Variants in N4BP1 observed in about 807,000 individuals in gnomAD.
N4BP1 encodes NEDD4 binding protein 1, also known as NEDD4-binding protein 1.
N4BP1 carries 21 observed loss-of-function variants against 70.9 expected under a neutral mutation model. The observed-to-expected ratio is 0.30, with a 90% CI of 0.21 to 0.43. N4BP1 has a LOEUF of 0.43. N4BP1 is among the 20% of genes least tolerant of loss of function. The pLI, the probability that N4BP1 is intolerant of heterozygous loss-of-function variation, is 1.00. For synonymous variants in N4BP1, 387 were observed against 394.6 expected, an observed-to-expected ratio of 0.98 and a Z score of 0.23; for missense variants, 936 against 1,069.4, an observed-to-expected ratio of 0.88 and a Z score of 1.74.
chr16:48,553,640 C>T lies in N4BP1; in HGVS notation c.1919G>A (p.Arg640His), dbSNP rs1278710284. The T allele has an allele frequency of 6.3e-7, 1 of 1,594,034 alleles. No homozygotes were observed. The change falls in exon 3 of 7, where the codon CGT (arginine) becomes CAT (histidine). Residue 640 changes from arginine to histidine, a missense_variant. Arg to His is a conservative substitution (Grantham distance 29). Coordinates refer to ENST00000262384, the MANE Select transcript of N4BP1 (RefSeq NM_153029.4). ...ATATTCAACTGCAATTGCAATTCCA[C>T]GACAAGAAAAGAACTTTTTCAGACC... ...THGLKKFFSC[R>H]GIAIAVEYFW...
At chr16:48,556,557 G>C (rs1963757697) in intron 2 of N4BP1, among the ~76,000 whole-genome samples, 1 of 152,216 alleles carries the variant, frequency 6.6e-6, no homozygotes, top group Admixed American at 6.5e-5. Flanking sequence ...AGTCTGGGAG[G>C]CCAGGTGTCC....
chr16:48,565,214 C>G (rs1433337975), intron 1 of N4BP1, among the ~76,000 whole-genome samples: 1 of 152,176 alleles, frequency 6.6e-6, no homozygotes, highest in African/African-American at 2.4e-5. Context: ...AGTGGTGAGA[C>G]TGGGTATGCT....
At chr16:48,543,767 G>A (rs1201402179) in intron 6 of N4BP1, among the ~76,000 whole-genome samples, 1 of 152,164 alleles carries the variant, frequency 6.6e-6, no homozygotes, top group Non-Finnish European at 1.5e-5. Context: ...TGTACAGGGA[G>A]GGCATCTGTA....
chr16:48,573,139 A>C (rs1184899395), intron 1 of N4BP1, among the ~76,000 whole-genome samples: 1 of 151,710 alleles, frequency 6.6e-6, no homozygotes, highest in African/African-American at 2.4e-5. Context: ...AAGAAAATTC[A>C]GGAAAAAATT....
intron 1 of N4BP1, among the ~76,000 whole-genome samples, chr16:48,589,245 T>C (rs111318113): frequency 1.1e-3 from 173 of 152,322 alleles, no homozygotes; most frequent in African/African-American, 3.1e-3. Flanking sequence ...AGTTCAACTA[T>C]GACTGGCATC....
chr16:48,560,687 C>T, intron 2 of N4BP1, 67 bp downstream of exon 2: 1 of 1,525,130 alleles, frequency 6.6e-7, no homozygotes, highest in Non-Finnish European at 8.8e-7. Flanking sequence ...TTCCCATATA[C>T]ATGTGATTCT....
At position 48,548,128 on chromosome 16, in the gene N4BP1, A is replaced by C; in HGVS notation, c.2118-14T>G. ...TGTAGTAGAAACCTATGGTAATATA[A>C]GAGAGTTTAAAATCAGCAACAGGCA... On this transcript the variant is annotated splice_polypyrimidine_tract_variant and intron_variant, in intron 4 of 6. Coordinates refer to ENST00000262384, the MANE Select transcript of N4BP1 (RefSeq NM_153029.4). 1 of 1,513,926 alleles carries C rather than the reference A, an allele frequency of 6.6e-7. No homozygotes were observed. The highest frequency in any genetic ancestry group is 9.1e-7 in the Non-Finnish European group (1 of 1,093,094). 93.8% of individuals were successfully genotyped at this position (1,513,926 alleles called of 1,614,324 possible).
intron 6 of N4BP1, among the ~76,000 whole-genome samples, chr16:48,545,462 C>G (rs2151084592): frequency 6.6e-6 from 1 of 150,888 alleles, no homozygotes; most frequent in East Asian, 2.0e-4. Context: ...CCTGTAATCC[C>G]AGCTACTTGG....
At chr16:48,600,564 G>C (rs963370193) in intron 1 of N4BP1, 1 of 574,154 alleles carries the variant, frequency 1.7e-6, no homozygotes, top group African/African-American at 1.9e-5. Context: ...CATCTTATCT[G>C]AGTTCCTCTT....
Position 48,561,687 on chromosome 16 carries a change from T to C in N4BP1, c.956A>G (p.Asn319Ser), listed in dbSNP as rs758464499. 1.9e-5 allele frequency: 30 copies of C among 1,612,962 alleles called. No individual in the cohort carries two copies. Among genetic ancestry groups the C allele is most frequent in the Non-Finnish European group, 2.5e-5 (30 of 1,179,896 alleles). ...AGAATCAGATAGGTCAGCTATTACA[T>C]TTCCAGCCAATGTCTTAGCATCGTG... is the stretch of plus-strand genomic sequence containing the variant. ...ILHDAKTLAG[N>S]VIADLSDSSA... Residue 319 changes from asparagine (N) to serine (S), a missense_variant, in exon 2 of 7, where the codon AAT becomes AGT. Asn to Ser is a conservative substitution (Grantham distance 46). This residue lies in a region of N4BP1 where 515 missense variants were observed against 491.7 expected (regional missense o/e 1.05). Coordinates refer to ENST00000262384, the MANE Select transcript of N4BP1 (RefSeq NM_153029.4).
At position 48,561,443 on chromosome 16, in the gene N4BP1, A is replaced by G. The variant is rs1314685116; in HGVS notation, c.1200T>C (p.Gly400=). The G allele has an allele frequency of 1.2e-6, 2 of 1,612,564 alleles. No individual in the cohort carries two copies. The highest frequency in any genetic ancestry group is 8.5e-7 in the Non-Finnish European group (1 of 1,179,564). Residue 400 remains glycine, a synonymous_variant, in exon 2 of 7, where the codon GGT becomes GGC. Transcript: ENST00000262384. ...TTTTGTTGGTCTCTGGATACACTGTACCAGCTGAAAATTCTCTGTCTTCTT... is the reference window on the plus strand; with the variant it reads ...TTTTGTTGGTCTCTGGATACACTGTGCCAGCTGAAAATTCTCTGTCTTCTT... ...RFQEDREFSA[G]TVYPETNKTK... is the part of the protein sequence containing the mutation.
chr16:48,565,598 G>A (rs1335419306), intron 1 of N4BP1, among the ~76,000 whole-genome samples: 5 of 152,044 alleles, frequency 3.3e-5, no homozygotes, highest in Non-Finnish European at 7.4e-5. Context: ...TTCCTTTTTG[G>A]TACTGTTTTT....
At chr16:48,591,839 C>T (rs919504571) in intron 1 of N4BP1, among the ~76,000 whole-genome samples, 14 of 149,746 alleles carry the variant, frequency 9.3e-5, no homozygotes, top group Middle Eastern at 7.0e-3. Context: ...GGATAGATCG[C>T]TCTCAAAATC....
intron 1 of N4BP1, among the ~76,000 whole-genome samples, chr16:48,595,831 T>C (rs1432780112): frequency 1.3e-5 from 2 of 152,170 alleles, no homozygotes; most frequent in African/African-American, 4.8e-5. Flanking sequence ...TCCTGACCTG[T>C]GGTAAGTAAA....
At chr16:48,555,891 C>T (rs1036913740) in intron 2 of N4BP1, among the ~76,000 whole-genome samples, 1 of 152,156 alleles carries the variant, frequency 6.6e-6, no homozygotes, top group African/African-American at 2.4e-5. Context: ...TAAGGTGGCT[C>T]CCTGATTACT....
chr16:48,609,199 AGAGT>A (rs1344084706), intron 1 of N4BP1, among the ~76,000 whole-genome samples: 1 of 152,190 alleles, frequency 6.6e-6, no homozygotes, highest in Non-Finnish European at 1.5e-5. Flanking sequence ...TGTGGGTGAC[AGAGT>A]GAGACCCTGT....
At position 48,561,543 on chromosome 16, in the gene N4BP1, A is replaced by C. The variant is rs778997251; in HGVS notation, c.1100T>G (p.Val367Gly). 6.2e-7 allele frequency: 1 copy of C among 1,613,884 alleles called. No individual in the cohort carries two copies. The highest frequency in any genetic ancestry group is 1.1e-5 in the South Asian group (1 of 91,066). ...MGYSQEIVEK[V>G]IKVYGPSTEP... is the part of the protein sequence containing the mutation. ...AGTAGATGGTCCATACACCTTAATGACCTTTTCAACAATTTCTTGGGAGTA... is the reference window on the plus strand; with the variant it reads ...AGTAGATGGTCCATACACCTTAATGCCCTTTTCAACAATTTCTTGGGAGTA... Residue 367 changes from valine (V) to glycine (G), a missense_variant, in exon 2 of 7, where the codon GTC (valine) becomes GGC (glycine). By Grantham distance (109) the Val-to-Gly change is moderately radical. Transcript: ENST00000262384.
At chr16:48,601,686 C>G (rs1269176715) in intron 1 of N4BP1, among the ~76,000 whole-genome samples, 3 of 144,302 alleles carry the variant, frequency 2.1e-5, no homozygotes, top group African/African-American at 8.1e-5. Context: ...AGTTAGGAAT[C>G]TTTCTAAAAA....
chr16:48,590,779 A>G (rs1258502647), intron 1 of N4BP1, among the ~76,000 whole-genome samples: 2 of 152,048 alleles, frequency 1.3e-5, no homozygotes, highest in Non-Finnish European at 2.9e-5. Context: ...CCTTCTCCCA[A>G]ATGGTTCCAT....
Sources: allele counts gnomAD v4.1 joint callset (sites outside exome capture counted in the v4.1 genomes callset), GRCh38; gene constraint gnomAD v4.1.1; regional missense constraint gnomAD v4.1.1; transcripts MANE v1.5; gene names NCBI Gene and HGNC (gene_info 2026-07-23, HGNC 2026-07-21).